PTPRD: variants seen among roughly 807,000 people sequenced by gnomAD.
PTPRD encodes protein tyrosine phosphatase receptor type D.
PTPRD carries 34 observed loss-of-function variants against 214.5 expected under a neutral mutation model. The ratio of observed to expected loss-of-function variants is 0.16; its 90% confidence interval spans 0.12 to 0.21. The LOEUF (loss-of-function observed/expected upper bound fraction) is 0.21. Ranked by LOEUF, PTPRD falls within the 10% of genes least tolerant of loss-of-function variation. PTPRD has a pLI of 1.00. For synonymous variants in PTPRD, 1,128 were observed against 845.7 expected (o/e 1.33, Z -5.79); for missense variants, 2,545 against 2,398.7 (o/e 1.06, Z -1.27).
At chr9:9,724,629 T>C (rs2098042360) in intron 7 of PTPRD, among the ~76,000 whole-genome samples, 1 of 152,148 alleles carries the variant, frequency 6.6e-6, no homozygotes, top group South Asian at 2.1e-4. Flanking sequence ...GTATTTCTGA[T>C]CCAGTTGAAG....
chr9:8,399,343 A>C (rs2091952899), intron 36 of PTPRD, among the ~76,000 whole-genome samples: 1 of 152,140 alleles, frequency 6.6e-6, no homozygotes, highest in Non-Finnish European at 1.5e-5. Context: ...TTCTGAAATT[A>C]GTGTACAAAT....
chr9:9,260,777 CA>C (rs1266010693), intron 9 of PTPRD, among the ~76,000 whole-genome samples: 2 of 151,836 alleles, frequency 1.3e-5, no homozygotes, highest in Admixed American at 1.3e-4. Context: ...TTCATGTACT[CA>C]CTGACAATCA....
intron 24 of PTPRD, 57 bp downstream of exon 24, chr9:8,500,697 A>G (rs2097382689): frequency 6.5e-7 from 1 of 1,536,568 alleles, no homozygotes; most frequent in Non-Finnish European, 8.9e-7. Context: ...CTATTGAAAG[A>G]CAGCAGATCA....
chr9:9,742,940 T>C (rs1309994089), intron 6 of PTPRD, among the ~76,000 whole-genome samples: 1 of 152,210 alleles, frequency 6.6e-6, no homozygotes, highest in Non-Finnish European at 1.5e-5. Flanking sequence ...ACTGTTACTA[T>C]CCTTCTTTAG....
chr9:10,396,734 A>G lies in PTPRD; in HGVS notation c.-599-55717T>C, dbSNP rs552745454. ...TTCAACCTGACTAATGGGGAAGTAT[A>G]CATAACAATTGCCTGTAATGCAATA... On this transcript the variant is annotated intron_variant, in intron 2 of 45. Transcript: ENST00000381196. Among the ~76,000 whole-genome samples, 6 of 152,144 alleles carry G rather than the reference A, an allele frequency of 3.9e-5. No individual in the cohort carries two copies. In the South Asian group the frequency reaches 1.2e-3, roughly 32 times the overall value.
intron 14 of PTPRD, among the ~76,000 whole-genome samples, chr9:8,580,240 G>A (rs976885676): frequency 6.6e-6 from 1 of 152,090 alleles, no homozygotes; most frequent in African/African-American, 2.4e-5. Context: ...TGCAAAGAAA[G>A]CAATAAGCAT....
chr9:9,971,376 G>C (rs1369795106), intron 4 of PTPRD, among the ~76,000 whole-genome samples: 1 of 152,144 alleles, frequency 6.6e-6, no homozygotes, highest in Non-Finnish European at 1.5e-5. Context: ...AAGCAACTTA[G>C]ATGTCCCTGA....
chr9:8,666,028 G>A (rs893809064), intron 12 of PTPRD, among the ~76,000 whole-genome samples: 9 of 144,958 alleles, frequency 6.2e-5, no homozygotes, highest in South Asian at 2.2e-4. Context: ...ACATTTAGGC[G>A]TTTCATAACT....
chr9:10,304,291 C>G (rs1339099707), intron 3 of PTPRD, among the ~76,000 whole-genome samples: 1 of 152,096 alleles, frequency 6.6e-6, no homozygotes, highest in South Asian at 2.1e-4. Flanking sequence ...TTATGACAAA[C>G]CCACAGTCAA....
At chr9:8,715,247 C>T (rs368040981) in intron 12 of PTPRD, among the ~76,000 whole-genome samples, 1 of 152,152 alleles carries the variant, frequency 6.6e-6, no homozygotes, top group East Asian at 1.9e-4. Context: ...AGCCTCTAAT[C>T]GCTGCCAGGA....
At chr9:8,663,396 A>T (rs75270737) in intron 12 of PTPRD, among the ~76,000 whole-genome samples, 5 of 151,302 alleles carry the variant, frequency 3.3e-5, no homozygotes, top group African/African-American at 7.4e-5. Flanking sequence ...AAAAAAAAAA[A>T]TATCACTGTC....
intron 3 of PTPRD, among the ~76,000 whole-genome samples, chr9:10,280,865 T>G (rs946073313): frequency 2.0e-5 from 3 of 152,220 alleles, no homozygotes; most frequent in Admixed American, 2.0e-4. Context: ...TCCTCTCTCC[T>G]AGGCCTCCCA....
At chr9:9,869,462 C>G (rs1169034161) in intron 5 of PTPRD, among the ~76,000 whole-genome samples, 1 of 152,108 alleles carries the variant, frequency 6.6e-6, no homozygotes, top group African/African-American at 2.4e-5. Flanking sequence ...TGGACACTAC[C>G]TGGACTCACC....
chr9:10,328,641 C>A (rs1252576051), intron 3 of PTPRD, among the ~76,000 whole-genome samples: 1 of 151,668 alleles, frequency 6.6e-6, no homozygotes, highest in Admixed American at 6.6e-5. Context: ...AAATGTTATG[C>A]ACCAAGAGAA....
At chr9:8,656,451 T>G (rs1229428693) in intron 12 of PTPRD, among the ~76,000 whole-genome samples, 1 of 152,212 alleles carries the variant, frequency 6.6e-6, no homozygotes, top group African/African-American at 2.4e-5. Context: ...TATCACTGTT[T>G]GGCCTCTCTC....
chr9:9,798,731 A>C (rs2099019897), intron 5 of PTPRD, among the ~76,000 whole-genome samples: 1 of 152,198 alleles, frequency 6.6e-6, no homozygotes, highest in African/African-American at 2.4e-5. Context: ...ACAAGAAGGA[A>C]ATAAAGTAGT....
intron 11 of PTPRD, among the ~76,000 whole-genome samples, chr9:8,918,086 C>G (rs1366607032): frequency 6.6e-6 from 1 of 152,118 alleles, no homozygotes; most frequent in Non-Finnish European, 1.5e-5. Context: ...AACCTCTACC[C>G]AAAGTCAGTT....
At chr9:9,572,366 A>T (rs1334101214) in intron 8 of PTPRD, among the ~76,000 whole-genome samples, 1 of 151,378 alleles carries the variant, frequency 6.6e-6, no homozygotes, top group African/African-American at 2.4e-5. Flanking sequence ...TAGTCGAAGA[A>T]TATATTTGAA....
intron 11 of PTPRD, among the ~76,000 whole-genome samples, chr9:8,811,498 G>A (rs1378744923): frequency 6.6e-6 from 1 of 152,138 alleles, no homozygotes; most frequent in Non-Finnish European, 1.5e-5. Context: ...ACAAAGCTCT[G>A]TTAGCTATAA....
Sources: allele counts gnomAD v4.1 joint callset (sites outside exome capture counted in the v4.1 genomes callset), GRCh38; gene constraint gnomAD v4.1.1; transcripts MANE v1.5; gene names NCBI Gene and HGNC (gene_info 2026-07-23, HGNC 2026-07-21).